Variants in UCK2 observed in about 807,000 individuals in gnomAD.
The protein encoded by UCK2 is cytidine monophosphokinase 2.
In UCK2, 6 loss-of-function variants were observed where a neutral mutation model predicts 30.8. The ratio of observed to expected loss-of-function variants is 0.19; its 90% CI spans 0.11 to 0.38. The LOEUF is 0.38. Ranked by LOEUF, UCK2 falls within the 10% of genes least tolerant of loss-of-function variation. The pLI, the probability that UCK2 is intolerant of heterozygous loss-of-function variation, is 1.00. For synonymous variants in UCK2, 125 were observed against 133.6 expected (o/e 0.94, Z 0.45); for missense variants, 210 against 339.8 (o/e 0.62, Z 3.00).
At chr1:165,828,845 T>C (rs1653966123) in intron 1 of UCK2, among the ~76,000 whole-genome samples, 1 of 152,138 alleles carries the variant, frequency 6.6e-6, no homozygotes, top group African/African-American at 2.4e-5. Context: ...CTAACAGCCT[T>C]TAAGATGTGG....
intron 1 of UCK2, among the ~76,000 whole-genome samples, chr1:165,852,442 C>T (rs780580232): frequency 1.3e-5 from 2 of 152,150 alleles, no homozygotes; most frequent in Admixed American, 6.5e-5. Context: ...AAGACATTTA[C>T]GTGGCCAACA....
intron 2 of UCK2, 115 bp from the exon 3 acceptor site, chr1:165,891,110 GA>G: frequency 1.1e-6 from 1 of 904,072 alleles, no homozygotes; most frequent in African/African-American, 1.7e-5. Context: ...GGAGCAGTAT[GA>G]TTACCTTTAA....
chr1:165,885,758 C>G (rs1655600069), intron 1 of UCK2, among the ~76,000 whole-genome samples: 1 of 152,176 alleles, frequency 6.6e-6, no homozygotes, highest in Non-Finnish European at 1.5e-5. Context: ...TCTATGTTTG[C>G]CATCAGTGGT....
At chr1:165,865,580 C>A (rs1655026495) in intron 1 of UCK2, among the ~76,000 whole-genome samples, 1 of 151,984 alleles carries the variant, frequency 6.6e-6, no homozygotes, top group South Asian at 2.1e-4. Context: ...AGATAGACTT[C>A]CTATATTATA....
intron 1 of UCK2, among the ~76,000 whole-genome samples, chr1:165,888,565 G>A (rs1026531159): frequency 6.6e-6 from 1 of 151,428 alleles, no homozygotes; most frequent in African/African-American, 2.4e-5. Flanking sequence ...TGGGATTATA[G>A]GTGTGAGCTA....
At chr1:165,845,390 T>C (rs1654423540) in intron 1 of UCK2, among the ~76,000 whole-genome samples, 1 of 152,186 alleles carries the variant, frequency 6.6e-6, no homozygotes, top group African/African-American at 2.4e-5. Context: ...GCTTTTCCTT[T>C]TCAATTACAA....
intron 1 of UCK2, among the ~76,000 whole-genome samples, chr1:165,842,372 C>T (rs1654351335): frequency 6.6e-6 from 1 of 152,196 alleles, no homozygotes; most frequent in South Asian, 2.1e-4. Flanking sequence ...CTGGGCATTT[C>T]CACATCATGT....
chr1:165,874,089 G>A lies in UCK2; in HGVS notation c.100-16115G>A, dbSNP rs542008170. ...AATTTCATGCATCCCATCCTCTGAG[G>A]ACAACCTTCTATTTTATGAATTTAC... On this transcript the variant is annotated intron_variant, in intron 1 of 6. Coordinates refer to ENST00000367879, the MANE Select transcript of UCK2 (RefSeq NM_012474.5). Among the ~76,000 whole-genome samples the A allele has an allele frequency of 7.2e-5, 11 of 152,168 alleles. No homozygotes were observed. In the South Asian group the frequency reaches 1.5e-3, roughly 20 times the overall value.
intron 1 of UCK2, among the ~76,000 whole-genome samples, chr1:165,866,235 G>T (rs1236447528): frequency 3.3e-5 from 5 of 152,152 alleles, no homozygotes; most frequent in African/African-American, 9.7e-5. Flanking sequence ...TTTTTTGAAA[G>T]TATTTGTTAA....
intron 5 of UCK2, chr1:165,904,116 G>C (rs1647570879): frequency 6.6e-6 from 1 of 152,192 alleles, no homozygotes; most frequent in Non-Finnish European, 1.5e-5. Flanking sequence ...ACCTGGTCTT[G>C]GTTGAGATAC....
intron 1 of UCK2, among the ~76,000 whole-genome samples, chr1:165,873,025 G>A (rs1455595516): frequency 1.3e-5 from 2 of 152,174 alleles, no homozygotes; most frequent in East Asian, 3.8e-4. Context: ...ATCAAGTGGA[G>A]TAAGATATTT....
chr1:165,837,052 G>A (rs1654212384), intron 1 of UCK2, among the ~76,000 whole-genome samples: 2 of 152,210 alleles, frequency 1.3e-5, no homozygotes, highest in South Asian at 2.1e-4. Context: ...CTGTCATAAC[G>A]AATCTGCTCC....
intron 1 of UCK2, among the ~76,000 whole-genome samples, chr1:165,875,735 C>A (rs564874275): frequency 6.6e-6 from 1 of 152,308 alleles, no homozygotes; most frequent in South Asian, 2.1e-4. Flanking sequence ...GCAAAGGACA[C>A]AGATGAAGAG....
intron 1 of UCK2, among the ~76,000 whole-genome samples, chr1:165,867,654 C>T (rs1231180217): frequency 6.6e-6 from 1 of 152,190 alleles, no homozygotes; most frequent in African/African-American, 2.4e-5. Context: ...TATTTGTTCA[C>T]ATTTTATTAT....
At chr1:165,846,235 GA>G (rs1654444603) in intron 1 of UCK2, among the ~76,000 whole-genome samples, 1 of 152,174 alleles carries the variant, frequency 6.6e-6, no homozygotes, top group Non-Finnish European at 1.5e-5. Context: ...CCAGTAGTTT[GA>G]GGTTACAGTG....
intron 1 of UCK2, among the ~76,000 whole-genome samples, chr1:165,871,976 CAACA>C (rs1178147909): frequency 6.7e-6 from 1 of 149,898 alleles, no homozygotes; most frequent in African/African-American, 2.4e-5. Flanking sequence ...GACAGGATAT[CAACA>C]AACCAGTTCC....
chr1:165,863,860 T>C (rs1384189444), intron 1 of UCK2, among the ~76,000 whole-genome samples: 1 of 152,262 alleles, frequency 6.6e-6, no homozygotes, highest in East Asian at 1.9e-4. Context: ...CTGAAATTTA[T>C]ATAGAAAGCA....
chr1:165,837,081 C>T (rs1654213183), intron 1 of UCK2, among the ~76,000 whole-genome samples: 1 of 152,124 alleles, frequency 6.6e-6, no homozygotes. Flanking sequence ...TGGCATTAAT[C>T]CAGTTCATGA....
At chr1:165,861,893 G>A (rs1028154605) in intron 1 of UCK2, among the ~76,000 whole-genome samples, 2 of 152,118 alleles carry the variant, frequency 1.3e-5, no homozygotes, top group African/African-American at 4.8e-5. Flanking sequence ...CAGATTTCAT[G>A]ATACCACTTT....
Sources: gnomAD v4.1 joint callset for allele counts (sites outside exome capture counted in the v4.1 genomes callset) on GRCh38, gnomAD v4.1.1 for gene constraint, MANE v1.5 for transcripts, NCBI Gene and HGNC (gene_info 2026-07-23, HGNC 2026-07-21) for gene names.